The following EPB41 variants were observed in gnomAD, a reference collection of about 807,000 sequenced individuals.
EPB41 encodes protein 4.1.
A neutral mutation model predicts 108.0 loss-of-function variants in EPB41; 65 were observed. The ratio of observed to expected loss-of-function variants is 0.60; its 90% CI spans 0.49 to 0.74. The LOEUF is 0.74. EPB41 is among the 30% of genes least tolerant of loss of function. The probability of loss-of-function intolerance (pLI) is 0.00; values close to 1 mark genes in which losing one functional copy is unlikely to be tolerated. For missense variants in EPB41, 875 were observed against 1,037.0 expected, an observed-to-expected ratio of 0.84 and a Z score of 2.15; for synonymous variants, 336 against 358.9, an observed-to-expected ratio of 0.94 and a Z score of 0.72.
chr1:29,068,721 G>T, intron 16 of EPB41: 1 of 1,231,716 alleles, frequency 8.1e-7, no homozygotes. Context: ...TATATAATTT[G>T]TGTATGACCA....
chr1:29,046,220 G>T (rs1007480852), intron 11 of EPB41, among the ~76,000 whole-genome samples: 4 of 151,844 alleles, frequency 2.6e-5, no homozygotes, highest in African/African-American at 9.7e-5. Context: ...TGCCTCCTGG[G>T]TTCAAGTGAC....
intron 1 of EPB41, among the ~76,000 whole-genome samples, chr1:28,959,382 A>G (rs1250080807): frequency 6.6e-6 from 1 of 151,808 alleles, no homozygotes; most frequent in Non-Finnish European, 1.5e-5. Context: ...ACGCCTGGCT[A>G]ATTTTTCTAT....
chr1:28,948,521 A>AG (rs1553184033), intron 1 of EPB41, among the ~76,000 whole-genome samples: 7 of 151,090 alleles, frequency 4.6e-5, no homozygotes, highest in South Asian at 2.1e-4. Context: ...AAAAAAAAAA[A>AG]AAAGAAAGAA....
rs1435766547 is a variant in EPB41 at position 29,117,732 on chromosome 1, A to G, written c.*920A>G. 1.3e-5 allele frequency: 2 copies of G among 152,622 alleles called. No individual in the cohort carries two copies. Among genetic ancestry groups the G allele is most frequent in the Non-Finnish European group, 2.9e-5 (2 of 68,020 alleles). The allele number at this position is 152,622 out of a possible 1,614,324, so 9.5% of individuals were successfully genotyped here. A position where few individuals can be genotyped will look rare whatever the true frequency, so the allele number is the denominator to read the frequency against. On this transcript the variant is annotated 3_prime_UTR_variant, in exon 21 of 21. Transcript: ENST00000343067. ...TGAGGTTTTTAAAATAAGGTTTTCTAGTTTTGAGAGTGTGCACTTCACACA... is the reference window on the plus strand; with the variant it reads ...TGAGGTTTTTAAAATAAGGTTTTCTGGTTTTGAGAGTGTGCACTTCACACA...
At chr1:29,035,761 C>A in intron 9 of EPB41, 65 bp from the exon 10 acceptor site, 1 of 1,162,190 alleles carries the variant, frequency 8.6e-7, no homozygotes, top group Non-Finnish European at 1.3e-6. Flanking sequence ...GGTACTGTAT[C>A]ACTGTAATCT....
At chr1:29,006,180 A>G (rs2096396119) in intron 4 of EPB41, among the ~76,000 whole-genome samples, 1 of 151,882 alleles carries the variant, frequency 6.6e-6, no homozygotes, top group Non-Finnish European at 1.5e-5. Flanking sequence ...CTTACTGCAT[A>G]TTAGCTTAAC....
intron 11 of EPB41, among the ~76,000 whole-genome samples, chr1:29,042,117 G>T (rs1399481730): frequency 2.0e-5 from 3 of 152,214 alleles, no homozygotes; most frequent in African/African-American, 7.2e-5. Context: ...CCATTTGGAA[G>T]TTCCCTACTA....
intron 1 of EPB41, among the ~76,000 whole-genome samples, chr1:28,981,674 G>A (rs888559220): frequency 3.9e-5 from 6 of 151,988 alleles, no homozygotes; most frequent in Non-Finnish European, 8.8e-5. Context: ...GGTATAAATT[G>A]TGTCAAGACT....
chr1:29,057,512 T>A (rs1488871064), intron 12 of EPB41, among the ~76,000 whole-genome samples: 2 of 152,156 alleles, frequency 1.3e-5, no homozygotes, highest in Non-Finnish European at 2.9e-5. Context: ...TTAGGTTTTT[T>A]AGACTCAGTC....
intron 4 of EPB41, among the ~76,000 whole-genome samples, chr1:29,006,621 A>G (rs947772636): frequency 5.9e-5 from 9 of 151,850 alleles, no homozygotes; most frequent in Admixed American, 2.0e-4. Context: ...AAAATCCCCT[A>G]TTGTGTCCCT....
intron 16 of EPB41, among the ~76,000 whole-genome samples, chr1:29,095,734 T>G (rs1301657130): frequency 6.6e-6 from 1 of 151,512 alleles, no homozygotes; most frequent in African/African-American, 2.4e-5. Flanking sequence ...GTCAGGCCAC[T>G]GCACTCCAGC....
chr1:29,051,273 A>G (rs1388853510), intron 11 of EPB41, among the ~76,000 whole-genome samples: 1 of 149,682 alleles, frequency 6.7e-6, no homozygotes, highest in African/African-American at 2.5e-5. Flanking sequence ...TAATTTTTGT[A>G]TTTTTAGTAG....
At chr1:29,047,106 A>G (rs940348966) in intron 11 of EPB41, among the ~76,000 whole-genome samples, 10 of 152,152 alleles carry the variant, frequency 6.6e-5, no homozygotes, top group African/African-American at 2.4e-4. Flanking sequence ...GAATTCGCCT[A>G]TGAAGCCATA....
intron 1 of EPB41, among the ~76,000 whole-genome samples, chr1:28,984,929 G>T (rs1207067984): frequency 6.6e-6 from 1 of 152,130 alleles, no homozygotes; most frequent in African/African-American, 2.4e-5. Flanking sequence ...AAATTGCTGG[G>T]ATTACAGGCG....
chr1:28,892,797 CT>C (rs995428093), intron 1 of EPB41, among the ~76,000 whole-genome samples: 6,868 of 87,132 alleles, frequency 0.079, 102 homozygotes, highest in South Asian at 0.12. Context: ...TTCCCAGGTT[CT>C]TTTTTTTTTT....
In EPB41 at chr1:29,117,519, T is replaced by G. The variant is rs1056163293; in HGVS notation, c.*707T>G. 6.5e-6 allele frequency: 1 copy of G among 152,682 alleles called. No homozygotes were observed. The highest frequency in any genetic ancestry group is 2.4e-5 in the African/African-American group (1 of 41,462). 9.5% of individuals were successfully genotyped at this position (152,682 alleles called of 1,614,324 possible). Reference sequence around the variant, plus strand: ...AAGTTGCTTCAGATATCTGATACTGTGAATGTTTGAACATATCCGTGGCCT... The same window carrying G: ...AAGTTGCTTCAGATATCTGATACTGGGAATGTTTGAACATATCCGTGGCCT... On this transcript the variant is annotated 3_prime_UTR_variant, in exon 21 of 21. Transcript: ENST00000343067.
intron 17 of EPB41, among the ~76,000 whole-genome samples, chr1:29,102,875 C>T (rs1375696388): frequency 6.6e-6 from 1 of 152,136 alleles, no homozygotes; most frequent in East Asian, 1.9e-4. Flanking sequence ...TGGGTTCCAG[C>T]GATTCTCATG....
At chr1:28,907,890 G>T (rs896279679) in intron 1 of EPB41, among the ~76,000 whole-genome samples, 3 of 151,006 alleles carry the variant, frequency 2.0e-5, no homozygotes, top group African/African-American at 7.3e-5. Context: ...GACTGATCTC[G>T]AACTCCTGGC....
intron 1 of EPB41, among the ~76,000 whole-genome samples, chr1:28,948,074 G>A (rs185899101): frequency 6.6e-6 from 1 of 151,710 alleles, no homozygotes; most frequent in African/African-American, 2.4e-5. Context: ...TATTTATACT[G>A]TAGAAGTTAT....
Sources: gnomAD v4.1 joint callset for allele counts (sites outside exome capture counted in the v4.1 genomes callset) on GRCh38, gnomAD v4.1.1 for gene constraint, MANE v1.5 for transcripts, NCBI Gene and HGNC (gene_info 2026-07-23, HGNC 2026-07-21) for gene names.